Variants in ELF1 observed in about 807,000 individuals in gnomAD.
ELF1 encodes ETS-related transcription factor Elf-1.
A neutral mutation model predicts 59.9 loss-of-function variants in ELF1; 24 were observed. The ratio of observed to expected loss-of-function variants is 0.40; its 90% confidence interval spans 0.29 to 0.56. The LOEUF (loss-of-function observed/expected upper bound fraction) is 0.56, where lower values mean the gene tolerates loss of function less well. Ranked by LOEUF, ELF1 falls within the 20% of genes least tolerant of loss-of-function variation. The pLI is 0.44. For synonymous variants in ELF1, 248 were observed against 266.2 expected, an observed-to-expected ratio of 0.93 and a Z score of 0.67; for missense variants, 627 against 742.2, an observed-to-expected ratio of 0.84 and a Z score of 1.80.
intron 1 of ELF1, among the ~76,000 whole-genome samples, chr13:40,992,544 G>A (rs1176967045): frequency 6.6e-6 from 1 of 152,096 alleles, no homozygotes; most frequent in Non-Finnish European, 1.5e-5. Context: ...AAATAATGAA[G>A]GAAGAATGAA....
At chr13:40,993,593 G>A (rs1593384170) in intron 1 of ELF1, among the ~76,000 whole-genome samples, 1 of 152,106 alleles carries the variant, frequency 6.6e-6, no homozygotes, top group Non-Finnish European at 1.5e-5. Flanking sequence ...TGATCCTCCC[G>A]CTTCAGCCTC....
intron 5 of ELF1, 42 bp from the exon 6 acceptor site, chr13:40,943,967 G>A (rs574976276): frequency 3.5e-5 from 55 of 1,581,848 alleles, no homozygotes; most frequent in Non-Finnish European, 4.8e-5. Flanking sequence ...GCCTTCAAAA[G>A]TGAGAGAAAA....
chr13:40,948,011 A>C (rs1263738777), intron 5 of ELF1, among the ~76,000 whole-genome samples: 9 of 152,202 alleles, frequency 5.9e-5, no homozygotes, highest in African/African-American at 2.2e-4. Context: ...CACCTGAAAC[A>C]ATTAAAAACA....
chr13:40,955,945 A>AG (rs1871379299), intron 3 of ELF1, among the ~76,000 whole-genome samples: 1 of 99,036 alleles, frequency 1.0e-5, no homozygotes, highest in Non-Finnish European at 2.2e-5. Context: ...TCCGGGAGGG[A>AG]GGCGGGGGGG....
At chr13:40,964,655 C>A (rs1373373595) in intron 2 of ELF1, among the ~76,000 whole-genome samples, 1 of 152,162 alleles carries the variant, frequency 6.6e-6, no homozygotes, top group Non-Finnish European at 1.5e-5. Flanking sequence ...TCACCTCAGC[C>A]TCTCAAGTAG....
chr13:41,028,866 T>C (rs987645957), intron 1 of ELF1, among the ~76,000 whole-genome samples: 11 of 152,296 alleles, frequency 7.2e-5, no homozygotes, highest in Middle Eastern at 3.4e-3. Context: ...CCCGAGTAGC[T>C]GGGACTACAA....
chr13:41,035,784 C>A (rs1303788265), intron 1 of ELF1, among the ~76,000 whole-genome samples: 1 of 149,968 alleles, frequency 6.7e-6, no homozygotes, highest in Non-Finnish European at 1.5e-5. Flanking sequence ...CCCTTCCATT[C>A]GACTTTTTGT....
intron 2 of ELF1, among the ~76,000 whole-genome samples, chr13:40,968,721 CTTT>C (rs35089615): frequency 5.8e-5 from 8 of 137,322 alleles, no homozygotes; most frequent in Admixed American, 2.9e-4. Context: ...TTTCTATATT[CTTT>C]TTTTTTTTTT....
At chr13:41,009,386 G>A (rs1461987451) in intron 1 of ELF1, among the ~76,000 whole-genome samples, 1 of 151,716 alleles carries the variant, frequency 6.6e-6, no homozygotes, top group Non-Finnish European at 1.5e-5. Flanking sequence ...ATTTTCTTTA[G>A]GATACCTACA....
chr13:40,955,996 G>GGGGCGCCTCTGCCC (rs1404579696), intron 3 of ELF1, among the ~76,000 whole-genome samples: 2 of 144,580 alleles, frequency 1.4e-5, no homozygotes, highest in Admixed American at 1.4e-4. Context: ...CAGGAGGTGA[G>GGGGCGCCTCTGCCC]GGGCGCCTCT....
chr13:41,060,323 T>C (rs2138447731), intron 1 of ELF1, among the ~76,000 whole-genome samples: 1 of 152,240 alleles, frequency 6.6e-6, no homozygotes, highest in South Asian at 2.1e-4. Context: ...GGTCAGCCCG[T>C]CCTGCATAGG....
chr13:41,030,467 G>A (rs552908944), intron 1 of ELF1, among the ~76,000 whole-genome samples: 38 of 152,310 alleles, frequency 2.5e-4, no homozygotes, highest in Non-Finnish European at 4.7e-4. Flanking sequence ...TTTGGGTCAG[G>A]TGTGGTGGCT....
intron 2 of ELF1, among the ~76,000 whole-genome samples, chr13:40,970,217 A>G (rs1197679861): frequency 6.6e-6 from 1 of 152,226 alleles, no homozygotes; most frequent in African/African-American, 2.4e-5. Context: ...AAGACAAATT[A>G]TCCTCTAGTT....
intron 2 of ELF1, among the ~76,000 whole-genome samples, chr13:40,967,212 C>G (rs974632690): frequency 6.6e-6 from 1 of 152,198 alleles, no homozygotes; most frequent in African/African-American, 2.4e-5. Context: ...AAACCCAGCA[C>G]CTTACTCTAT....
At chr13:41,035,375 A>G (rs113826151) in intron 1 of ELF1, among the ~76,000 whole-genome samples, 1,816 of 152,350 alleles carry the variant, frequency 0.012, 15 homozygotes, top group Non-Finnish European at 0.022. Flanking sequence ...AAACATTCAG[A>G]AATTGAACTA....
chr13:41,036,215 C>CA (rs972005726), intron 1 of ELF1, among the ~76,000 whole-genome samples: 32 of 150,802 alleles, frequency 2.1e-4, no homozygotes, highest in African/African-American at 7.8e-4. Context: ...CACAGCCGGC[C>CA]AAAAAAAAAT....
Position 40,934,170 on chromosome 13 carries a change from A to G in ELF1, c.1257-142T>C, listed in dbSNP as rs545755055. On this transcript the variant is annotated intron_variant, in intron 8 of 8. Transcript: ENST00000239882. Reference sequence around the variant, plus strand: ...CCATATTTTCAACAGAGCATGACCAATATCATGCCAGACTTTGTATTAAAC... The same window carrying G: ...CCATATTTTCAACAGAGCATGACCAGTATCATGCCAGACTTTGTATTAAAC... The G allele has an allele frequency of 2.0e-5, 22 of 1,100,528 alleles. No homozygotes were observed. In the East Asian group the frequency reaches 3.3e-4, roughly 17 times the overall value. The allele number at this position is 1,100,528 out of a possible 1,614,324, so 68.2% of individuals were successfully genotyped here.
intron 3 of ELF1, among the ~76,000 whole-genome samples, chr13:40,957,523 G>GA (rs964582725): frequency 7.4e-5 from 11 of 148,564 alleles, no homozygotes; most frequent in Admixed American, 6.7e-5. Context: ...AAAAAAAAAA[G>GA]AAAAAAAAGA....
At chr13:40,961,492 T>C (rs1232317426) in intron 2 of ELF1, among the ~76,000 whole-genome samples, 1 of 152,044 alleles carries the variant, frequency 6.6e-6, no homozygotes, top group Non-Finnish European at 1.5e-5. Context: ...TTCAAGGCTG[T>C]CCTGTGCTAC....
Sources: gnomAD v4.1 joint callset for allele counts (sites outside exome capture counted in the v4.1 genomes callset) on GRCh38, gnomAD v4.1.1 for gene constraint, MANE v1.5 for transcripts, NCBI Gene and HGNC (gene_info 2026-07-23, HGNC 2026-07-21) for gene names.